TAOK1: variants seen among roughly 807,000 people sequenced by gnomAD.
TAOK1 encodes TAO kinase 1.
A neutral mutation model predicts 138.3 loss-of-function variants in TAOK1; 21 were observed. The ratio of observed to expected loss-of-function variants is 0.15; its 90% CI spans 0.11 to 0.22. The LOEUF (loss-of-function observed/expected upper bound fraction) is 0.22, where lower values mean the gene tolerates loss of function less well. Among genes scored for constraint, TAOK1 ranks in the 10% least tolerant of loss-of-function variants. The pLI, the probability that TAOK1 is intolerant of heterozygous loss-of-function variation, is 1.00. For synonymous variants in TAOK1, 361 were observed against 398.4 expected, an observed-to-expected ratio of 0.91 and a Z score of 1.12; for missense variants, 651 against 1,227.7, an observed-to-expected ratio of 0.53 and a Z score of 7.02.
intron 1 of TAOK1, among the ~76,000 whole-genome samples, chr17:29,425,111 C>T (rs1041901964): frequency 7.9e-5 from 12 of 152,070 alleles, no homozygotes; most frequent in African/African-American, 2.7e-4. Flanking sequence ...ACTCTGTCTC[C>T]CAGGCTGGAG....
chr17:29,417,295 G>A (rs540737760), intron 1 of TAOK1, among the ~76,000 whole-genome samples: 9 of 152,286 alleles, frequency 5.9e-5, no homozygotes, highest in South Asian at 4.1e-4. Flanking sequence ...GATTACAGGC[G>A]TGAGCCACCG....
At chr17:29,472,001 G>GTAAT (rs1428881553) in intron 3 of TAOK1, among the ~76,000 whole-genome samples, 2 of 152,148 alleles carry the variant, frequency 1.3e-5, no homozygotes, top group Non-Finnish European at 2.9e-5. Context: ...GGCTCCATGT[G>GTAAT]TAATTCCAGT....
intron 1 of TAOK1, among the ~76,000 whole-genome samples, chr17:29,421,595 A>G (rs1317615143): frequency 6.6e-6 from 1 of 152,102 alleles, no homozygotes; most frequent in Non-Finnish European, 1.5e-5. Flanking sequence ...TTTAGTGGAA[A>G]CAGTAAGTTA....
chr17:29,467,155 T>A lies in TAOK1; in HGVS notation c.143T>A (p.Val48Glu), dbSNP rs1312821862. Reference protein sequence around the residue: ...SFGAVYFARDVRTNEVVAIKK... With the variant: ...SFGAVYFARDERTNEVVAIKK... ...TTCTTTCTTCTTTAGGCACGAGATG[T>A]GCGTACCAATGAAGTGGTGGCCATC... Residue 48 changes from valine to glutamate, a missense_variant, in exon 3 of 20, where the codon GTG becomes GAG. Physicochemically the swap from Val to Glu is moderately radical, Grantham distance 121 (BLOSUM62 -2). Around this residue, in one of 8 missense-constraint regions of TAOK1, gnomAD observed 116 missense variants for 213.9 expected, o/e 0.54. Coordinates refer to ENST00000261716, the MANE Select transcript of TAOK1 (RefSeq NM_020791.4). The A allele has an allele frequency of 6.2e-7, 1 of 1,601,744 alleles. No homozygotes were observed. The highest frequency in any genetic ancestry group is 1.1e-5 in the South Asian group (1 of 88,950).
chr17:29,410,183 T>C (rs1047350694), intron 1 of TAOK1, among the ~76,000 whole-genome samples: 5 of 152,182 alleles, frequency 3.3e-5, no homozygotes, highest in African/African-American at 1.2e-4. Context: ...GTCTGTAAAA[T>C]GGGAATAATA....
At chr17:29,537,335 G>A (rs2032239217) in intron 19 of TAOK1, among the ~76,000 whole-genome samples, 1 of 152,004 alleles carries the variant, frequency 6.6e-6, no homozygotes, top group Non-Finnish European at 1.5e-5. Flanking sequence ...TTGGAGTTGG[G>A]TGTATATATA....
In TAOK1 at chr17:29,542,832, G is replaced by A; in HGVS notation, c.2816G>A (p.Gly939Asp). The stretch of plus-strand genomic sequence containing the variant: ...CAAGCTTGGGGCCATCCAATGCAAG[G>A]TGGACCCCAGCCATGGGGTCACCCT... ...PPQAWGHPMQ[G>D]GPQPWGHPSG... Residue 939 changes from glycine to aspartate, a missense_variant, in exon 20 of 20, where the codon GGT becomes GAT. Gly to Asp is a moderately conservative substitution (Grantham distance 94). Around this residue, in one of 8 missense-constraint regions of TAOK1, gnomAD observed 108 missense variants for 120.3 expected, o/e 0.90. Transcript: ENST00000261716. 6.2e-7 allele frequency: 1 copy of A among 1,614,156 alleles called. No homozygotes were observed. Among genetic ancestry groups the A allele is most frequent in the East Asian group, 2.2e-5 (1 of 44,888 alleles).
At chr17:29,502,444 G>C (rs993149248) in intron 12 of TAOK1, 145 bp from the exon 13 acceptor site, 2 of 875,252 alleles carry the variant, frequency 2.3e-6, no homozygotes, top group Non-Finnish European at 3.4e-6. Context: ...GAAAAAAGAA[G>C]ACCAGCATTT....
chr17:29,532,875 G>A (rs542966926), intron 18 of TAOK1, among the ~76,000 whole-genome samples: 2 of 152,050 alleles, frequency 1.3e-5, no homozygotes, highest in African/African-American at 4.8e-5. Flanking sequence ...CCTCCCAGAC[G>A]GGGTGGTGGC....
intron 1 of TAOK1, among the ~76,000 whole-genome samples, chr17:29,449,142 A>G (rs2036019148): frequency 2.0e-5 from 3 of 152,186 alleles, no homozygotes; most frequent in African/African-American, 7.2e-5. Flanking sequence ...CAAAATTCTT[A>G]ACTACGGTCT....
chr17:29,498,574 T>C lies in TAOK1; in HGVS notation c.1203+53T>C. The C allele has an allele frequency of 3.8e-6, 6 of 1,587,932 alleles. No homozygotes were observed. In the South Asian group the frequency reaches 4.4e-5, roughly 12 times the overall value. ...ATTCAATGTTGGTAAACTGTTTTCTTCATCTGTTAGTTTAAGAGAAGGAAG... is the reference window on the plus strand; with the variant it reads ...ATTCAATGTTGGTAAACTGTTTTCTCCATCTGTTAGTTTAAGAGAAGGAAG... On this transcript the variant is annotated intron_variant, in intron 12 of 19. Coordinates refer to ENST00000261716, the MANE Select transcript of TAOK1 (RefSeq NM_020791.4).
At chr17:29,455,446 C>T (rs2030351364) in intron 2 of TAOK1, among the ~76,000 whole-genome samples, 1 of 150,302 alleles carries the variant, frequency 6.7e-6, no homozygotes, top group Admixed American at 6.6e-5. Flanking sequence ...TCTTTCTTTT[C>T]AACTTGAATG....
intron 8 of TAOK1, among the ~76,000 whole-genome samples, chr17:29,486,804 G>A (rs1055462459): frequency 3.3e-5 from 5 of 152,012 alleles, no homozygotes; most frequent in Admixed American, 6.6e-5. Context: ...ATATATTGAC[G>A]GTATACCATT....
At chr17:29,538,427 A>G (rs2032260974) in intron 19 of TAOK1, among the ~76,000 whole-genome samples, 3 of 152,198 alleles carry the variant, frequency 2.0e-5, no homozygotes, top group Non-Finnish European at 4.4e-5. Flanking sequence ...TCAAGATGTT[A>G]CTTGGTTTTT....
chr17:29,517,623 G>A lies in TAOK1; in HGVS notation c.1875G>A (p.Gly625=), dbSNP rs1053204926. ...GCTTCAAGAGAAGAATGTTACTTGGGCGTCATAACTTAGAGCAGGACCTTG... is the reference window on the plus strand; with the variant it reads ...GCTTCAAGAGAAGAATGTTACTTGGACGTCATAACTTAGAGCAGGACCTTG... ...CRRFKRRMLL[G]RHNLEQDLVR... The change falls in exon 16 of 20, where the codon GGG becomes GGA. Residue 625 remains glycine (G), a synonymous_variant. Coordinates refer to ENST00000261716, the MANE Select transcript of TAOK1 (RefSeq NM_020791.4). 6 of 1,612,678 alleles carry A rather than the reference G, an allele frequency of 3.7e-6. No homozygotes were observed. Among genetic ancestry groups the A allele is most frequent in the Non-Finnish European group, 5.1e-6 (6 of 1,179,960 alleles).
At chr17:29,464,822 C>CTTT (rs547368498) in intron 2 of TAOK1, among the ~76,000 whole-genome samples, 9 of 132,088 alleles carry the variant, frequency 6.8e-5, no homozygotes, top group African/African-American at 8.4e-5. Context: ...TAAGCTCTGT[C>CTTT]TTTTTTTTTT....
At chr17:29,489,067 A>G (rs2031241515) in intron 8 of TAOK1, among the ~76,000 whole-genome samples, 1 of 152,228 alleles carries the variant, frequency 6.6e-6, no homozygotes, top group Non-Finnish European at 1.5e-5. Flanking sequence ...TTATATCACT[A>G]TTAAATGACC....
At chr17:29,530,775 T>C in intron 18 of TAOK1, 156 bp downstream of exon 18, 2 of 656,062 alleles carry the variant, frequency 3.0e-6, no homozygotes, top group Non-Finnish European at 5.3e-6. Flanking sequence ...TTCTCAACAT[T>C]GCTTGAAAAT....
intron 13 of TAOK1, among the ~76,000 whole-genome samples, chr17:29,507,003 C>T (rs1465658897): frequency 6.6e-6 from 1 of 152,098 alleles, no homozygotes; most frequent in Non-Finnish European, 1.5e-5. Flanking sequence ...CATAAAAACT[C>T]ATATGACACT....
Sources: allele counts gnomAD v4.1 joint callset (sites outside exome capture counted in the v4.1 genomes callset), GRCh38; gene constraint gnomAD v4.1.1; regional missense constraint gnomAD v4.1.1; transcripts MANE v1.5; gene names NCBI Gene and HGNC (gene_info 2026-07-23, HGNC 2026-07-21).